PLSCR2: variants seen among roughly 807,000 people sequenced by gnomAD.
The protein encoded by PLSCR2 is phospholipid scramblase 2.
In PLSCR2, 18 loss-of-function variants were observed where a neutral mutation model predicts 25.3. The observed-to-expected ratio is 0.71, with a 90% CI of 0.49 to 1.06. The LOEUF (loss-of-function observed/expected upper bound fraction) is 1.06. Among genes scored for constraint, PLSCR2 ranks in the 50% least tolerant of loss-of-function variants. PLSCR2 has a pLI of 0.00. For missense variants in PLSCR2, 243 were observed against 269.5 expected (o/e 0.90, Z 0.69); for synonymous variants, 88 against 87.3 (o/e 1.01, Z -0.04).
intron 2 of PLSCR2, among the ~76,000 whole-genome samples, chr3:146,408,060 C>T (rs1343904022): frequency 1.3e-5 from 2 of 152,152 alleles, no homozygotes; most frequent in Non-Finnish European, 2.9e-5. Context: ...GACATCCATT[C>T]ACCAGAAGCA....
intron 2 of PLSCR2, among the ~76,000 whole-genome samples, chr3:146,423,282 T>TCTCTCTCTCTCTCTCTCTCTCCCC (rs758576585): frequency 9.9e-6 from 1 of 100,962 alleles, no homozygotes; most frequent in Non-Finnish European, 2.0e-5. Flanking sequence ...TCTCTCTCTC[T>TCTCTCTCTCTCTCTCTCTCTCCCC]CCCTGGCTAG....
chr3:146,477,064 C>T (rs1042958784), intron 1 of PLSCR2, among the ~76,000 whole-genome samples: 3 of 152,202 alleles, frequency 2.0e-5, no homozygotes, highest in Admixed American at 1.3e-4. Flanking sequence ...GTGAGAACCC[C>T]CGCAAACAGA....
intron 5 of PLSCR2, 70 bp from the exon 6 acceptor site, chr3:146,449,437 G>C: frequency 9.7e-7 from 1 of 1,025,760 alleles, no homozygotes; most frequent in Non-Finnish European, 1.4e-6. Context: ...TTTAACACTG[G>C]AGTAAAAGGA....
At chr3:146,428,972 G>A (rs1446516405), downstream of PLSCR2, among the ~76,000 whole-genome samples, 1 of 152,200 alleles carries the variant, frequency 6.6e-6, no homozygotes, top group East Asian at 1.9e-4. Context: ...TTCTATGTTT[G>A]TTCTACTGCA....
intron 6 of PLSCR2, among the ~76,000 whole-genome samples, chr3:146,447,915 G>A (rs2040654147): frequency 6.6e-6 from 1 of 152,176 alleles, no homozygotes; most frequent in Admixed American, 6.5e-5. Context: ...TTTATATGCT[G>A]TCTCCATGAG....
At chr3:146,434,959 C>T (rs1044013445) in intron 8 of PLSCR2, among the ~76,000 whole-genome samples, 13 of 130,052 alleles carry the variant, frequency 1.0e-4, no homozygotes, top group African/African-American at 3.7e-4. Context: ...GTGTGATGTT[C>T]CCCATCCTGT....
chr3:146,457,649 C>T (rs770692286), intron 3 of PLSCR2, among the ~76,000 whole-genome samples: 1 of 152,182 alleles, frequency 6.6e-6, no homozygotes. Context: ...CATCCAAATT[C>T]AAAAAGTTTA....
At chr3:146,489,443 G>A (rs2043463987) in intron 1 of PLSCR2, among the ~76,000 whole-genome samples, 2 of 152,240 alleles carry the variant, frequency 1.3e-5, no homozygotes, top group African/African-American at 4.8e-5. Flanking sequence ...GGAACTTGTA[G>A]ACCAGTAAAA....
chr3:146,410,997 T>C (rs1263530170), intron 2 of PLSCR2, among the ~76,000 whole-genome samples: 1 of 152,186 alleles, frequency 6.6e-6, no homozygotes, highest in Non-Finnish European at 1.5e-5. Flanking sequence ...TAGCTTTCAC[T>C]GTGGAGCTAC....
At chr3:146,479,012 A>C (rs1576726277) in intron 1 of PLSCR2, among the ~76,000 whole-genome samples, 1 of 152,226 alleles carries the variant, frequency 6.6e-6, no homozygotes, top group East Asian at 1.9e-4. Flanking sequence ...TAAGTAAAGG[A>C]GAAATAAAAT....
At chr3:146,443,029 T>C (rs1482157384) in intron 6 of PLSCR2, among the ~76,000 whole-genome samples, 4 of 151,928 alleles carry the variant, frequency 2.6e-5, no homozygotes, top group Non-Finnish European at 5.9e-5. Flanking sequence ...AGCCCATGGA[T>C]TGGGGGAAAA....
chr3:146,468,386 T>C (rs949859298), intron 1 of PLSCR2, among the ~76,000 whole-genome samples: 5 of 152,212 alleles, frequency 3.3e-5, no homozygotes, highest in Admixed American at 6.5e-5. Flanking sequence ...ACCATGTATC[T>C]CAGTGTCATA....
At chr3:146,398,842 A>C (rs1477385666) in intron 2 of PLSCR2, 1 of 152,290 alleles carries the variant, frequency 6.6e-6, no homozygotes, top group Non-Finnish European at 1.5e-5. Context: ...TTGAAAATAT[A>C]ATATTGATCC....
chr3:146,434,128 T>A (rs1403643), intron 8 of PLSCR2, among the ~76,000 whole-genome samples: 73,540 of 151,916 alleles, frequency 0.48, 18,762 homozygotes, highest in South Asian at 0.7. Flanking sequence ...TCCCTTTCTT[T>A]TTTAATGCTG....
At chr3:146,471,982 G>A (rs1300733324) in intron 1 of PLSCR2, among the ~76,000 whole-genome samples, 1 of 152,040 alleles carries the variant, frequency 6.6e-6, no homozygotes, top group African/African-American at 2.4e-5. Flanking sequence ...TTTGACTTCT[G>A]GTCTTTGAAT....
intron 3 of PLSCR2, among the ~76,000 whole-genome samples, chr3:146,393,027 C>CTTTTTTTT: frequency 9.6e-6 from 1 of 104,422 alleles, no homozygotes; most frequent in African/African-American, 3.6e-5. Flanking sequence ...ATTTACATTC[C>CTTTTTTTT]TTTTTTTTTT....
At chr3:146,405,326 T>A (rs2038627614) in intron 2 of PLSCR2, among the ~76,000 whole-genome samples, 1 of 152,156 alleles carries the variant, frequency 6.6e-6, no homozygotes, top group Non-Finnish European at 1.5e-5. Context: ...TTCTTGGGAA[T>A]TGCGGATATA....
At chr3:146,473,037 T>A (rs1298906031) in intron 1 of PLSCR2, among the ~76,000 whole-genome samples, 1 of 152,188 alleles carries the variant, frequency 6.6e-6, no homozygotes, top group Non-Finnish European at 1.5e-5. Flanking sequence ...TAATTTGGCA[T>A]CACCAATCCC....
chr3:146,464,271 T>C (rs1209800217), upstream of PLSCR2, among the ~76,000 whole-genome samples: 1 of 152,238 alleles, frequency 6.6e-6, no homozygotes, highest in Non-Finnish European at 1.5e-5. Flanking sequence ...TACAGACTTC[T>C]AATGTGGTGG....
Sources: allele counts gnomAD v4.1 joint callset (sites outside exome capture counted in the v4.1 genomes callset), GRCh38; gene constraint gnomAD v4.1.1; transcripts MANE v1.5; gene names NCBI Gene and HGNC (gene_info 2026-07-23, HGNC 2026-07-21).